Variants in SLC26A2 observed in about 807,000 individuals in gnomAD.
SLC26A2 encodes the protein solute carrier family 26 member 2, also known as sulfate transporter.
A neutral mutation model predicts 41.1 loss-of-function variants in SLC26A2; 36 were observed. The ratio of observed to expected loss-of-function variants is 0.88; its 90% CI spans 0.67 to 1.16. SLC26A2 has a LOEUF of 1.16. SLC26A2 is among the 50% of genes most tolerant of loss of function. The probability of loss-of-function intolerance (pLI) is 0.00; values close to 1 mark genes in which losing one functional copy is unlikely to be tolerated. For synonymous variants in SLC26A2, 291 were observed against 311.6 expected (o/e 0.93, Z 0.70); for missense variants, 796 against 869.6 (o/e 0.92, Z 1.07).
In SLC26A2 at chr5:149,981,555, T is replaced by C. The variant is rs766291194; in HGVS notation, c.1962T>C (p.Ser654=). ...TGCATACTATAGTGATTGACTGCAGTGCAATTCAATTTTTAGATACAGCAG... is the reference window on the plus strand; with the variant it reads ...TGCATACTATAGTGATTGACTGCAGCGCAATTCAATTTTTAGATACAGCAG... ...LELHTIVIDC[S]AIQFLDTAGI... is the part of the protein sequence containing the mutation. Residue 654 remains serine (S), a synonymous_variant, in exon 3 of 3, where the codon AGT becomes AGC. Coordinates refer to ENST00000286298, the MANE Select transcript of SLC26A2 (RefSeq NM_000112.4). 2 of 1,614,008 alleles carry C rather than the reference T, an allele frequency of 1.2e-6. No individual in the cohort carries two copies. Among genetic ancestry groups the C allele is most frequent in the Non-Finnish European group, 1.7e-6 (2 of 1,179,964 alleles).
At chr5:149,974,082 G>A (rs532424205) in intron 1 of SLC26A2, among the ~76,000 whole-genome samples, 4 of 152,276 alleles carry the variant, frequency 2.6e-5, no homozygotes, top group South Asian at 4.1e-4. Context: ...CCAGGAGTTC[G>A]AGGCCATGGT....
chr5:149,967,636 A>G (rs977404747), intron 1 of SLC26A2, among the ~76,000 whole-genome samples: 1 of 152,180 alleles, frequency 6.6e-6, no homozygotes, highest in Non-Finnish European at 1.5e-5. Flanking sequence ...CATTACTACT[A>G]TTTATTTCCA....
chr5:149,961,126 G>C (rs557897736), intron 1 of SLC26A2, 147 bp downstream of exon 1: 4 of 152,478 alleles, frequency 2.6e-5, no homozygotes, highest in African/African-American at 9.6e-5. Flanking sequence ...CGGGGCGTGC[G>C]TCAGGTTATT....
rs145273266 is a variant in SLC26A2, at chr5:149,986,972, C to A, written c.*5159C>A. 6.6e-6 allele frequency: 1 copy of A among 152,204 alleles called. No homozygotes were observed. Among genetic ancestry groups the A allele is most frequent in the Non-Finnish European group, 1.5e-5 (1 of 68,026 alleles). The allele number at this position is 152,204 out of a possible 1,614,324, so 9.4% of individuals were successfully genotyped here. A position where few individuals can be genotyped will look rare whatever the true frequency, so the allele number is the denominator to read the frequency against. On this transcript the variant is annotated 3_prime_UTR_variant, in exon 3 of 3. Coordinates refer to ENST00000286298, the MANE Select transcript of SLC26A2 (RefSeq NM_000112.4). The stretch of plus-strand genomic sequence containing the variant: ...AATGAGTGTGTATGAACATACCAAT[C>A]TATGTAATAGGCTACCTTTTTTTGT...
At chr5:149,976,648 T>C (rs1201401452) in intron 1 of SLC26A2, among the ~76,000 whole-genome samples, 1 of 152,246 alleles carries the variant, frequency 6.6e-6, no homozygotes, top group Non-Finnish European at 1.5e-5. Context: ...GTTGTTGTCC[T>C]TTCTCTTTTT....
chr5:149,976,018 C>T (rs942037419), intron 1 of SLC26A2, among the ~76,000 whole-genome samples: 1 of 151,888 alleles, frequency 6.6e-6, no homozygotes, highest in Non-Finnish European at 1.5e-5. Context: ...ATTAGCCAGG[C>T]GTGGTGGCAT....
chr5:149,961,187 G>A (rs781495891), intron 1 of SLC26A2, among the ~76,000 whole-genome samples: 24 of 152,232 alleles, frequency 1.6e-4, no homozygotes, highest in African/African-American at 3.6e-4. Flanking sequence ...GGTGATCCGG[G>A]CCTGCCCGTC....
rs116658823 is a variant in SLC26A2, at chr5:149,978,035, C to T, written c.383C>T (p.Ala128Val). The stretch of plus-strand genomic sequence containing the variant: ...ATATTATTGGTGCCCCAGTCCATTG[C>T]TTATTCCCTGCTGGCTGGCCAAGAA... ...VGILLVPQSI[A>V]YSLLAGQEPV... Residue 128 changes from alanine (A) to valine (V), a missense_variant, in exon 2 of 3, where the codon GCT becomes GTT. Physicochemically the swap from Ala to Val is moderately conservative, Grantham distance 64. Transcript: ENST00000286298. 5 of 1,613,718 alleles carry T rather than the reference C, an allele frequency of 3.1e-6. No individual in the cohort carries two copies. The highest frequency in any genetic ancestry group is 4.5e-5 in the East Asian group (2 of 44,894).
At chr5:149,972,672 CTTTATA>C (rs1754924110) in intron 1 of SLC26A2, among the ~76,000 whole-genome samples, 1 of 152,056 alleles carries the variant, frequency 6.6e-6, no homozygotes, top group Admixed American at 6.6e-5. Flanking sequence ...CTATGTATGT[CTTTATA>C]TTTAAAGTGG....
Position 149,982,047 on chromosome 5 carries a change from A to G in SLC26A2, c.*234A>G. On this transcript the variant is annotated 3_prime_UTR_variant, in exon 3 of 3. Coordinates refer to ENST00000286298, the MANE Select transcript of SLC26A2 (RefSeq NM_000112.4). ...TCAGGCTTTCTTGCAGATATGAAGT[A>G]TTCTTGGAATGCAATAAGTATGTAT... is the stretch of plus-strand genomic sequence containing the variant. 1.9e-6 allele frequency: 1 copy of G among 537,114 alleles called. No individual in the cohort carries two copies. Among genetic ancestry groups the G allele is most frequent in the Admixed American group, 3.4e-5 (1 of 29,578 alleles). 33.3% of individuals were successfully genotyped at this position (537,114 alleles called of 1,614,324 possible).
rs763082940 is a variant in SLC26A2, at chr5:149,980,713, C to T, written c.1120C>T (p.Pro374Ser). The change falls in exon 3 of 3, where the codon CCA becomes TCA. Residue 374 changes from proline to serine, a missense_variant. By Grantham distance (74) the Pro-to-Ser change is moderately conservative. Transcript: ENST00000286298. Reference sequence around the variant, plus strand: ...CACTGGGTTTATGCCACCCAAAGTACCAGAATGGAACCTAATTCCTAGTGT... The same window carrying T: ...CACTGGGTTTATGCCACCCAAAGTATCAGAATGGAACCTAATTCCTAGTGT... Reference protein sequence around the residue: ...IPTGFMPPKVPEWNLIPSVAV... With the variant: ...IPTGFMPPKVSEWNLIPSVAV... The T allele has an allele frequency of 6.8e-6, 11 of 1,613,758 alleles. 1 individual carries two copies. In the South Asian group the frequency reaches 7.7e-5, roughly 11 times the overall value.
rs202209207 is a variant in SLC26A2 at position 149,973,441 on chromosome 5, G to GTC, written c.-25-4175_-25-4174dup. Reference sequence around the variant, plus strand: ...TTGGCTAAAGAACCTTCCTGAAACTGTCTCTCTCTCTCTGTGTGTCTCTCT... The same window carrying GTC: ...TTGGCTAAAGAACCTTCCTGAAACTGTCTCTCTCTCTCTCTGTGTGTCTCTCT... On this transcript the variant is annotated intron_variant, in intron 1 of 2. Coordinates refer to ENST00000286298, the MANE Select transcript of SLC26A2 (RefSeq NM_000112.4). 6.0e-5 allele frequency among the ~76,000 whole-genome samples: 9 copies of GTC among 151,240 alleles called. No individual in the cohort carries two copies. In the South Asian group the frequency reaches 1.0e-3, roughly 18 times the overall value.
chr5:149,967,026 C>T (rs546267196), intron 1 of SLC26A2, among the ~76,000 whole-genome samples: 1 of 152,254 alleles, frequency 6.6e-6, no homozygotes. Context: ...TAGCTGGGCA[C>T]AGCGGCGTGT....
intron 1 of SLC26A2, among the ~76,000 whole-genome samples, chr5:149,963,007 T>C (rs1435995108): frequency 6.6e-6 from 1 of 151,912 alleles, no homozygotes; most frequent in African/African-American, 2.4e-5. Context: ...TGGAGAAAAA[T>C]AAAGGGCATA....
rs997221525 is a variant in SLC26A2, at chr5:149,983,529, T to G, written c.*1716T>G. The G allele has an allele frequency of 6.6e-6, 1 of 152,228 alleles. No homozygotes were observed. The highest frequency in any genetic ancestry group is 2.4e-5 in the African/African-American group (1 of 41,452). 9.4% of individuals were successfully genotyped at this position (152,228 alleles called of 1,614,324 possible). ...TTGTTTTTTAGCCAGTATTTGCCCT[T>G]TCTATCCAGCCTTATGAATAATAGC... On this transcript the variant is annotated 3_prime_UTR_variant, in exon 3 of 3. Transcript: ENST00000286298.
At chr5:149,968,628 G>A (rs986034475) in intron 1 of SLC26A2, among the ~76,000 whole-genome samples, 12 of 146,704 alleles carry the variant, frequency 8.2e-5, no homozygotes, top group Non-Finnish European at 1.8e-4. Flanking sequence ...CACCATGTTA[G>A]CCAGGATGGT....
intron 1 of SLC26A2, among the ~76,000 whole-genome samples, chr5:149,963,301 A>G (rs1481243783): frequency 5.1e-5 from 7 of 137,338 alleles, no homozygotes; most frequent in South Asian, 2.3e-4. Flanking sequence ...TTTTTTTGAG[A>G]CAGAGTCTCA....
intron 1 of SLC26A2, among the ~76,000 whole-genome samples, chr5:149,962,761 T>C (rs762471438): frequency 4.6e-5 from 7 of 152,192 alleles, no homozygotes; most frequent in Non-Finnish European, 7.3e-5. Flanking sequence ...GGTTTTGGCA[T>C]GTGGGGGCGG....
intron 1 of SLC26A2, among the ~76,000 whole-genome samples, chr5:149,965,889 C>A (rs1581225730): frequency 1.3e-5 from 2 of 152,138 alleles, no homozygotes; most frequent in South Asian, 2.1e-4. Flanking sequence ...TTTCACTAAT[C>A]TGAACCTTTA....
Sources: gnomAD v4.1 joint callset for allele counts (sites outside exome capture counted in the v4.1 genomes callset) on GRCh38, gnomAD v4.1.1 for gene constraint, MANE v1.5 for transcripts, NCBI Gene and HGNC (gene_info 2026-07-23, HGNC 2026-07-21) for gene names.